The following TOM1L2 variants were observed in gnomAD, a reference collection of about 807,000 sequenced individuals.
The protein encoded by TOM1L2 is target of myb1 like 2 membrane trafficking protein, also known as TOM1-like protein 2.
Under a neutral mutation model 67.9 loss-of-function variants are expected in TOM1L2, and 31 were observed. That is an observed-to-expected ratio of 0.46 (90% CI 0.34 to 0.62). TOM1L2 has a LOEUF of 0.62. TOM1L2 is among the 20% of genes least tolerant of loss of function. The pLI is 0.01. For synonymous variants in TOM1L2, 256 were observed against 254.0 expected (o/e 1.01, Z -0.07); for missense variants, 606 against 663.5 (o/e 0.91, Z 0.95).
intron 1 of TOM1L2, among the ~76,000 whole-genome samples, chr17:17,939,789 A>G (rs568321127): frequency 7.2e-5 from 11 of 152,360 alleles, no homozygotes; most frequent in African/African-American, 2.6e-4. Flanking sequence ...TAATGAAAGT[A>G]TAAGTAAGGG....
intron 7 of TOM1L2, 89 bp downstream of exon 7, chr17:17,879,538 T>C: frequency 1.9e-6 from 2 of 1,044,096 alleles, no homozygotes; most frequent in Non-Finnish European, 3.0e-6. Flanking sequence ...CTGTCCCGCC[T>C]TGCCGCTGTG....
At chr17:17,872,426 C>T (rs922701342) in intron 7 of TOM1L2, among the ~76,000 whole-genome samples, 1 of 152,178 alleles carries the variant, frequency 6.6e-6, no homozygotes, top group Admixed American at 6.5e-5. Context: ...GACCATCCTC[C>T]CCTGCTTCCT....
chr17:17,877,996 C>G (rs2037509353), intron 7 of TOM1L2, among the ~76,000 whole-genome samples: 1 of 152,206 alleles, frequency 6.6e-6, no homozygotes, highest in African/African-American at 2.4e-5. Context: ...CCCCTGCTGC[C>G]AGGAGCACGG....
chr17:17,887,004 T>C (rs2038032403), intron 4 of TOM1L2, among the ~76,000 whole-genome samples: 1 of 152,186 alleles, frequency 6.6e-6, no homozygotes, highest in Non-Finnish European at 1.5e-5. Context: ...GCCTATGTTC[T>C]CCAGAAGGAG....
chr17:17,929,672 T>C (rs1014771805), intron 1 of TOM1L2, among the ~76,000 whole-genome samples: 1 of 152,180 alleles, frequency 6.6e-6, no homozygotes, highest in African/African-American at 2.4e-5. Context: ...ATCCATAGAC[T>C]GTCATTTTTC....
At chr17:17,911,118 G>T (rs1421384445) in intron 1 of TOM1L2, among the ~76,000 whole-genome samples, 1 of 152,178 alleles carries the variant, frequency 6.6e-6, no homozygotes, top group African/African-American at 2.4e-5. Flanking sequence ...GGGTGGGTGG[G>T]CAGAAAAACC....
intron 1 of TOM1L2, among the ~76,000 whole-genome samples, chr17:17,929,909 C>A (rs2040255992): frequency 6.6e-6 from 1 of 152,206 alleles, no homozygotes; most frequent in South Asian, 2.1e-4. Context: ...ATTTCCACAA[C>A]AGCAAGGCAG....
At chr17:17,903,510 G>A (rs1349947411) in intron 2 of TOM1L2, among the ~76,000 whole-genome samples, 1 of 151,910 alleles carries the variant, frequency 6.6e-6, no homozygotes, top group Admixed American at 6.6e-5. Context: ...CTACTCAGGA[G>A]GCTGAGGCAG....
At position 17,847,542 on chromosome 17, in the gene TOM1L2, G is replaced by T. The variant is rs1022317907; in HGVS notation, c.*93C>A. On this transcript the variant is annotated 3_prime_UTR_variant, in exon 15 of 15. Coordinates refer to ENST00000379504, the MANE Select transcript of TOM1L2 (RefSeq NM_001082968.2). Reference sequence around the variant, plus strand: ...CCATGGAAACACAGGTGTGCAGGCCGTGTGGAGCTGGGGATGTAGGAGTGG... The same window carrying T: ...CCATGGAAACACAGGTGTGCAGGCCTTGTGGAGCTGGGGATGTAGGAGTGG... 16 of 1,479,044 alleles carry T rather than the reference G, an allele frequency of 1.1e-5. No individual in the cohort carries two copies. Among genetic ancestry groups the T allele is most frequent in the Middle Eastern group, 2.5e-4 (1 of 4,002 alleles). The allele number at this position is 1,479,044 out of a possible 1,614,324, so 91.6% of individuals were successfully genotyped here. A position where few individuals can be genotyped will look rare whatever the true frequency, so the allele number is the denominator to read the frequency against.
chr17:17,957,828 G>A (rs1030248715), intron 1 of TOM1L2, among the ~76,000 whole-genome samples: 17 of 151,952 alleles, frequency 1.1e-4, no homozygotes, highest in African/African-American at 2.2e-4. Flanking sequence ...TAGGCCAGGC[G>A]TGGTGGCTCA....
At chr17:17,965,900 C>G (rs752823043) in intron 1 of TOM1L2, among the ~76,000 whole-genome samples, 1 of 152,188 alleles carries the variant, frequency 6.6e-6, no homozygotes, top group African/African-American at 2.4e-5. Flanking sequence ...GTGGGTGGAT[C>G]ATCTGAGGTC....
intron 7 of TOM1L2, among the ~76,000 whole-genome samples, chr17:17,878,174 G>A (rs2037521254): frequency 6.6e-6 from 1 of 152,256 alleles, no homozygotes; most frequent in South Asian, 2.1e-4. Flanking sequence ...CAATGACAAT[G>A]CATTCAAGGG....
chr17:17,884,398 C>T (rs1188109200), intron 5 of TOM1L2, among the ~76,000 whole-genome samples: 1 of 152,188 alleles, frequency 6.6e-6, no homozygotes, highest in African/African-American at 2.4e-5. Context: ...CCATGAAAAC[C>T]CTGAACTGAT....
At chr17:17,924,334 G>A (rs2040001921) in intron 1 of TOM1L2, among the ~76,000 whole-genome samples, 1 of 152,060 alleles carries the variant, frequency 6.6e-6, no homozygotes, top group African/African-American at 2.4e-5. Flanking sequence ...TGTGGTAATG[G>A]CTGAACAACG....
rs1268895163 is a variant in TOM1L2, at chr17:17,850,919, T to C, written c.1312A>G (p.Ile438Val). 1 of 1,613,938 alleles carries C rather than the reference T, an allele frequency of 6.2e-7. No individual in the cohort carries two copies. Among genetic ancestry groups the C allele is most frequent in the African/African-American group, 1.3e-5 (1 of 74,932 alleles). ...PVAQPSVMDD[I>V]EVWLRTDLKG... is the part of the protein sequence containing the mutation. ...AGGTCGGTCCTGAGCCACACCTCAA[T>C]GTCGTCCATGACAGATGGCTGCGCA... Residue 438 changes from isoleucine to valine, a missense_variant, in exon 13 of 15, where the codon ATT becomes GTT. By Grantham distance (29) the Ile-to-Val change is conservative. This residue lies in a region of TOM1L2 where 543 missense variants were observed against 554.0 expected (regional missense o/e 0.98). Transcript: ENST00000379504.
chr17:17,910,882 T>C (rs2039317914), intron 1 of TOM1L2, among the ~76,000 whole-genome samples: 1 of 152,146 alleles, frequency 6.6e-6, no homozygotes, highest in South Asian at 2.1e-4. Context: ...ACACTCTTGA[T>C]GGTTGGGGAG....
intron 13 of TOM1L2, 30 bp downstream of exon 13, chr17:17,850,863 C>G (rs753430176): frequency 1.9e-6 from 3 of 1,612,926 alleles, no homozygotes; most frequent in South Asian, 2.2e-5. Context: ...CTCCACACCC[C>G]ACAGATGAAA....
chr17:17,915,585 A>G (rs1344979839), intron 1 of TOM1L2, among the ~76,000 whole-genome samples: 1 of 151,926 alleles, frequency 6.6e-6, no homozygotes, highest in Non-Finnish European at 1.5e-5. Flanking sequence ...ATAGCAGCAT[A>G]GCTCATTGCA....
At chr17:17,938,531 A>G (rs1568328971) in intron 1 of TOM1L2, among the ~76,000 whole-genome samples, 1 of 152,174 alleles carries the variant, frequency 6.6e-6, no homozygotes, top group South Asian at 2.1e-4. Flanking sequence ...ATCCTCCACT[A>G]GAGAATGGAG....
Sources: allele counts gnomAD v4.1 joint callset (sites outside exome capture counted in the v4.1 genomes callset), GRCh38; gene constraint gnomAD v4.1.1; regional missense constraint gnomAD v4.1.1; transcripts MANE v1.5; gene names NCBI Gene and HGNC (gene_info 2026-07-23, HGNC 2026-07-21).